The following CYP4F8 variants were observed in gnomAD, a reference collection of about 807,000 sequenced individuals.
CYP4F8 encodes the protein cytochrome P450 family 4 subfamily F member 8.
In CYP4F8, 56 loss-of-function variants were observed where a neutral mutation model predicts 55.0. That is an observed-to-expected ratio of 1.02 (90% CI 0.82 to 1.27). The LOEUF (loss-of-function observed/expected upper bound fraction) is 1.27, where lower values mean the gene tolerates loss of function less well. CYP4F8 is among the 50% of genes most tolerant of loss of function. The probability of loss-of-function intolerance (pLI) is 0.00; values close to 1 mark genes in which losing one functional copy is unlikely to be tolerated. For synonymous variants in CYP4F8, 288 were observed against 267.3 expected, an observed-to-expected ratio of 1.08 and a Z score of -0.76; for missense variants, 680 against 682.4, an observed-to-expected ratio of 1.00 and a Z score of 0.04.
At chr19:15,629,121 G>A (rs1972302057) in intron 12 of CYP4F8, 72 bp from the exon 13 acceptor site, 2 of 1,500,822 alleles carry the variant, frequency 1.3e-6, no homozygotes, top group South Asian at 2.6e-5. Flanking sequence ...GGGGTTCCGG[G>A]CCTGGTTCCT....
intron 12 of CYP4F8, 67 bp from the exon 13 acceptor site, chr19:15,629,126 G>T (rs534671592): frequency 2.7e-6 from 4 of 1,505,296 alleles, no homozygotes; most frequent in Non-Finnish European, 3.6e-6. Flanking sequence ...TCCGGGCCTG[G>T]TTCCTGGCGC....
rs775658887 is a variant in CYP4F8, at chr19:15,615,807, T to A, written c.191T>A (p.Leu64Gln). The change falls in exon 2 of 13, where the codon CTG (leucine) becomes CAG (glutamine). Residue 64 changes from leucine to glutamine, a missense_variant. By Grantham distance (113) the Leu-to-Gln change is moderately radical. Coordinates refer to ENST00000612078, the MANE Select transcript of CYP4F8 (RefSeq NM_007253.4). The stretch of plus-strand genomic sequence containing the variant: ...AAACAGAACTGGTTCTTGGGTCACC[T>A]GGGCCTGGTGAGTGGCAGGAGGATG... ...PRKQNWFLGH[L>Q]GLVTPTEEGL... 4 of 1,610,320 alleles carry A rather than the reference T, an allele frequency of 2.5e-6. No homozygotes were observed. Among genetic ancestry groups the A allele is most frequent in the Middle Eastern group, 3.3e-4 (2 of 6,046 alleles).
At chr19:15,622,896 C>CAG in intron 6 of CYP4F8, 1 of 601,988 alleles carries the variant, frequency 1.7e-6, no homozygotes, top group South Asian at 2.1e-5. Flanking sequence ...TTTTATAAGA[C>CAG]AGAGAGAGGA....
chr19:15,620,223 C>T (rs768166855), intron 5 of CYP4F8, among the ~76,000 whole-genome samples: 9 of 152,132 alleles, frequency 5.9e-5, no homozygotes, highest in Non-Finnish European at 1.3e-4. Context: ...GCTCAGTTCT[C>T]TCACATATTT....
intron 9 of CYP4F8, among the ~76,000 whole-genome samples, chr19:15,626,631 A>ATCTG (rs1972266622): frequency 9.2e-6 from 1 of 108,438 alleles, no homozygotes; most frequent in South Asian, 2.7e-4. Context: ...CTATCTATCT[A>ATCTG]TCTATCTATC....
rs1194172854 is a variant in CYP4F8 at position 15,626,946 on chromosome 19, C to T, written c.1116-1356C>T. On this transcript the variant is annotated intron_variant, in intron 9 of 12. Coordinates refer to ENST00000612078, the MANE Select transcript of CYP4F8 (RefSeq NM_007253.4). ...TTTCCAGTGGTCTGAACAACTTCCA[C>T]CACACTATCCATTCTCCAGGGGCGT... 2.6e-5 allele frequency among the ~76,000 whole-genome samples: 4 copies of T among 152,192 alleles called. No individual in the cohort carries two copies. In the East Asian group the frequency reaches 7.7e-4, roughly 29 times the overall value.
chr19:15,620,499 TC>T (rs1328927091), intron 5 of CYP4F8, among the ~76,000 whole-genome samples: 8 of 152,144 alleles, frequency 5.3e-5, no homozygotes, highest in African/African-American at 1.9e-4. Flanking sequence ...CAAGCAATTC[TC>T]CTGTCTTAGC....
rs753320788 is a variant in CYP4F8, at chr19:15,629,202, C to G, written c.1407C>G (p.Ile469Met). Residue 469 changes from isoleucine to methionine, a missense_variant, in exon 13 of 13, where the codon ATC (isoleucine) becomes ATG (methionine). Ile to Met is a conservative substitution (Grantham distance 10, BLOSUM62 1). Coordinates refer to ENST00000612078, the MANE Select transcript of CYP4F8 (RefSeq NM_007253.4). ...IPFSAGPRNC[I>M]GQKFAMAEMK... ...CCACCTTGGCCCCCAGGAACTGCAT[C>G]GGGCAGAAGTTCGCGATGGCAGAGA... 2 of 1,608,030 alleles carry G rather than the reference C, an allele frequency of 1.2e-6. No individual in the cohort carries two copies. The highest frequency in any genetic ancestry group is 1.7e-6 in the Non-Finnish European group (2 of 1,177,286).
At chr19:15,616,479 C>T (rs1236582128) in intron 2 of CYP4F8, among the ~76,000 whole-genome samples, 1 of 152,128 alleles carries the variant, frequency 6.6e-6, no homozygotes, top group East Asian at 1.9e-4. Flanking sequence ...AGGTATTCAC[C>T]ATTATTTCCA....
At position 15,615,833 on chromosome 19, in the gene CYP4F8, G is replaced by C; in HGVS notation, c.198+19G>C. The C allele has an allele frequency of 6.3e-7, 1 of 1,596,658 alleles. No homozygotes were observed. Among genetic ancestry groups the C allele is most frequent in the Non-Finnish European group, 8.6e-7 (1 of 1,169,472 alleles). On this transcript the variant is annotated intron_variant, in intron 2 of 12. Coordinates refer to ENST00000612078, the MANE Select transcript of CYP4F8 (RefSeq NM_007253.4). Reference sequence around the variant, plus strand: ...GGGCCTGGTGAGTGGCAGGAGGATGGATCTAGTGTCTCAGGGTGGAAGGGT... The same window carrying C: ...GGGCCTGGTGAGTGGCAGGAGGATGCATCTAGTGTCTCAGGGTGGAAGGGT...
intron 7 of CYP4F8, 108 bp from the exon 8 acceptor site, chr19:15,623,591 T>C: frequency 7.4e-7 from 1 of 1,357,066 alleles, no homozygotes; most frequent in Non-Finnish European, 1.0e-6. Context: ...GGGGTAGATC[T>C]GGAGGTGACA....
Position 15,618,143 on chromosome 19 carries a change from A to C in CYP4F8, c.342A>C (p.Ser114=). 1 of 1,614,030 alleles carries C rather than the reference A, an allele frequency of 6.2e-7. No individual in the cohort carries two copies. The change falls in exon 3 of 13, where the codon TCA becomes TCC. Residue 114 remains serine, a splice_region_variant and synonymous_variant. Coordinates refer to ENST00000612078, the MANE Select transcript of CYP4F8 (RefSeq NM_007253.4). ...TCGTCCGATCTGTCATCAATACCTCAGGTACTCCTGCAGAGCTTGTGGTGG... is the reference window on the plus strand; with the variant it reads ...TCGTCCGATCTGTCATCAATACCTCCGGTACTCCTGCAGAGCTTGTGGTGG... The part of the protein sequence containing the change: ...PDIVRSVINT[S]DAITDKDIVF...
At position 15,615,440 on chromosome 19, in the gene CYP4F8, C is replaced by A. The variant is rs574272452; in HGVS notation, c.-2+160C>A. On this transcript the variant is annotated intron_variant, in intron 1 of 12. Transcript: ENST00000612078. ...CTGTCTGGTTTCTGGTCTCTAGTTT[C>A]CTTGATCTCTAATTTTGTGTCACTT... 2.5e-4 allele frequency: 174 copies of A among 685,034 alleles called. 1 individual carries two copies. The South Asian group carries it at 3.9e-3, about 15-fold the overall frequency. 42.4% of individuals were successfully genotyped at this position (685,034 alleles called of 1,614,324 possible).
In CYP4F8 at chr19:15,619,641, G is replaced by A; in HGVS notation, c.404G>A (p.Gly135Glu). The A allele has an allele frequency of 6.2e-7, 1 of 1,614,204 alleles. No individual in the cohort carries two copies. Among genetic ancestry groups the A allele is most frequent in the Non-Finnish European group, 8.5e-7 (1 of 1,180,016 alleles). Reference sequence around the variant, plus strand: ...CCTTTGGCTGCCGTACTAGGGGATGGGCTCTTGTTAAGTGTTGGTGACAAG... The same window carrying A: ...CCTTTGGCTGCCGTACTAGGGGATGAGCTCTTGTTAAGTGTTGGTGACAAG... ...YKTLKPWLGDGLLLSVGDKWR... is the reference protein window; with the variant it reads ...YKTLKPWLGDELLLSVGDKWR... The change falls in exon 5 of 13, where the codon GGG (glycine) becomes GAG (glutamate). Residue 135 changes from glycine to glutamate, a missense_variant. Physicochemically the swap from Gly to Glu is moderately conservative, Grantham distance 98 (BLOSUM62 -2). Transcript: ENST00000612078.
intron 9 of CYP4F8, among the ~76,000 whole-genome samples, chr19:15,625,588 A>G (rs1024155782): frequency 6.6e-6 from 1 of 151,806 alleles, no homozygotes; most frequent in Non-Finnish European, 1.5e-5. Flanking sequence ...AAACACTTTA[A>G]TATTTGGTAG....
At chr19:15,615,902 G>A (rs1345843515) in intron 2 of CYP4F8, 88 bp downstream of exon 2, 6 of 606,532 alleles carry the variant, frequency 9.9e-6, no homozygotes, top group Admixed American at 5.0e-5. Flanking sequence ...GGTCTGGGAC[G>A]GCAGAGAAAC....
At chr19:15,615,880 G>C in intron 2 of CYP4F8, 66 bp downstream of exon 2, 5 of 1,173,044 alleles carry the variant, frequency 4.3e-6, no homozygotes, top group East Asian at 2.7e-5. Flanking sequence ...TCAGGCTGAG[G>C]GGGTGGGCTC....
intron 5 of CYP4F8, among the ~76,000 whole-genome samples, chr19:15,620,880 C>T (rs7257378): frequency 0.47 from 70,854 of 151,904 alleles, 17,264 homozygotes; most frequent in Non-Finnish European, 0.54. Flanking sequence ...TTTTGTGAAA[C>T]GACTAGGATT....
At position 15,615,693 on chromosome 19, in the gene CYP4F8, G is replaced by C; in HGVS notation, c.77G>C (p.Gly26Ala). 6.2e-7 allele frequency: 1 copy of C among 1,614,014 alleles called. No individual in the cohort carries two copies. The highest frequency in any genetic ancestry group is 8.5e-7 in the Non-Finnish European group (1 of 1,179,964). Residue 26 changes from glycine to alanine, a missense_variant, in exon 2 of 13, where the codon GGG (glycine) becomes GCG (alanine). Coordinates refer to ENST00000612078, the MANE Select transcript of CYP4F8 (RefSeq NM_007253.4). ...ASPWLLLLVV[G>A]ASWLLARILA... ...CCGTGGCTGCTCCTGCTGGTGGTCG[G>C]GGCCTCCTGGCTCCTGGCCCGCATC...
Sources: gnomAD v4.1 joint callset for allele counts (sites outside exome capture counted in the v4.1 genomes callset) on GRCh38, gnomAD v4.1.1 for gene constraint, MANE v1.5 for transcripts, NCBI Gene and HGNC (gene_info 2026-07-23, HGNC 2026-07-21) for gene names.